VPS54: variants seen among roughly 807,000 people sequenced by gnomAD.
VPS54 encodes the protein VPS54 subunit of GARP complex, also known as vacuolar protein sorting-associated protein 54.
VPS54 carries 45 observed loss-of-function variants against 121.5 expected under a neutral mutation model. The observed-to-expected ratio is 0.37, with a 90% CI of 0.29 to 0.47. VPS54 has a LOEUF of 0.47. Among genes scored for constraint, VPS54 ranks in the 20% least tolerant of loss-of-function variants. The probability of loss-of-function intolerance (pLI) is 0.99; values close to 1 mark genes in which losing one functional copy is unlikely to be tolerated. For missense variants in VPS54, 1,090 were observed against 1,131.4 expected, an observed-to-expected ratio of 0.96 and a Z score of 0.52; for synonymous variants, 371 against 385.8, an observed-to-expected ratio of 0.96 and a Z score of 0.45.
intron 3 of VPS54, among the ~76,000 whole-genome samples, chr2:63,979,470 A>AC (rs2104608515): frequency 6.6e-6 from 1 of 151,914 alleles, no homozygotes; most frequent in South Asian, 2.1e-4. Context: ...TGAACTCCTG[A>AC]CCTCAGGTGA....
intron 2 of VPS54, among the ~76,000 whole-genome samples, chr2:63,983,086 C>T (rs1395026342): frequency 6.6e-6 from 1 of 151,898 alleles, no homozygotes; most frequent in African/African-American, 2.4e-5. Context: ...AACACTTTTT[C>T]AGTTTATATA....
intron 7 of VPS54, 137 bp from the exon 8 acceptor site, chr2:63,949,300 G>A: frequency 2.4e-6 from 2 of 822,588 alleles, no homozygotes; most frequent in Non-Finnish European, 3.6e-6. Context: ...AAAAAATGAA[G>A]TCCTTTAACT....
At chr2:63,923,663 CTT>C (rs1673753542) in intron 12 of VPS54, among the ~76,000 whole-genome samples, 1 of 152,156 alleles carries the variant, frequency 6.6e-6, no homozygotes, top group Non-Finnish European at 1.5e-5. Context: ...ATGGATGAAA[CTT>C]GAGGACATTA....
At chr2:63,936,089 G>A (rs59886198) in intron 11 of VPS54, among the ~76,000 whole-genome samples, 4,553 of 152,136 alleles carry the variant, frequency 0.03, 234 homozygotes, top group African/African-American at 0.1. Context: ...CCTAGTCTTG[G>A]ACTTTTCTTT....
At chr2:64,008,705 A>T (rs1219332377) in intron 1 of VPS54, among the ~76,000 whole-genome samples, 2 of 152,178 alleles carry the variant, frequency 1.3e-5, no homozygotes, top group African/African-American at 4.8e-5. Flanking sequence ...CTGGGACTGC[A>T]GGCTCTGAAG....
intron 1 of VPS54, among the ~76,000 whole-genome samples, chr2:63,993,215 A>G (rs1420454429): frequency 6.6e-6 from 1 of 152,180 alleles, no homozygotes; most frequent in Non-Finnish European, 1.5e-5. Flanking sequence ...TTATTTGAAA[A>G]CTTTAAATGA....
At chr2:63,947,552 G>C in intron 8 of VPS54, 62 bp from the exon 9 acceptor site, 1 of 1,258,184 alleles carries the variant, frequency 7.9e-7, no homozygotes, top group South Asian at 1.5e-5. Flanking sequence ...CTTAGAGGTA[G>C]AAATATTCAG....
At chr2:63,956,111 A>G (rs1675479225) in intron 7 of VPS54, among the ~76,000 whole-genome samples, 1 of 152,142 alleles carries the variant, frequency 6.6e-6, no homozygotes, top group Non-Finnish European at 1.5e-5. Flanking sequence ...CTTATCAGAA[A>G]ACCTTGTATA....
intron 9 of VPS54, 61 bp from the exon 10 acceptor site, chr2:63,944,716 T>C: frequency 7.0e-7 from 1 of 1,421,620 alleles, no homozygotes; most frequent in Non-Finnish European, 9.7e-7. Flanking sequence ...TCCTAAGTAT[T>C]CCATGTTCCA....
chr2:63,970,308 T>C (rs924547604), intron 4 of VPS54, among the ~76,000 whole-genome samples: 2 of 145,186 alleles, frequency 1.4e-5, no homozygotes, highest in African/African-American at 5.2e-5. Context: ...TATATAGATA[T>C]AGATAAAACC....
intron 11 of VPS54, among the ~76,000 whole-genome samples, chr2:63,937,671 C>G (rs984341984): frequency 5.3e-5 from 8 of 152,036 alleles, no homozygotes; most frequent in African/African-American, 1.7e-4. Context: ...AAAAGGGGGC[C>G]TCAGAGAGAT....
chr2:64,018,616 T>C (rs1424299195), intron 1 of VPS54, among the ~76,000 whole-genome samples: 1 of 151,392 alleles, frequency 6.6e-6, no homozygotes, highest in African/African-American at 2.4e-5. Context: ...GGGCAGCGTC[T>C]AAGGGGGTGA....
At chr2:63,996,336 T>C (rs1490523620) in intron 1 of VPS54, among the ~76,000 whole-genome samples, 1 of 152,210 alleles carries the variant, frequency 6.6e-6, no homozygotes, top group Non-Finnish European at 1.5e-5. Context: ...AATACTCTTA[T>C]AATTTCCTAT....
chr2:63,932,573 T>G (rs1290112848), intron 12 of VPS54, among the ~76,000 whole-genome samples: 1 of 151,430 alleles, frequency 6.6e-6, no homozygotes, highest in Non-Finnish European at 1.5e-5. Flanking sequence ...GGCTGATGGG[T>G]GCAGCAAACC....
At chr2:63,942,213 T>C (rs1674773291) in intron 11 of VPS54, among the ~76,000 whole-genome samples, 2 of 151,974 alleles carry the variant, frequency 1.3e-5, no homozygotes, top group African/African-American at 4.8e-5. Flanking sequence ...AGAGGAAATA[T>C]TACTGTATAA....
intron 1 of VPS54, among the ~76,000 whole-genome samples, chr2:63,996,253 T>C (rs1441599708): frequency 6.6e-6 from 1 of 152,232 alleles, no homozygotes; most frequent in Non-Finnish European, 1.5e-5. Flanking sequence ...TTATAATTTC[T>C]TATGCCTGTC....
At chr2:63,929,526 G>A (rs1448083363) in intron 12 of VPS54, among the ~76,000 whole-genome samples, 10 of 152,074 alleles carry the variant, frequency 6.6e-5, no homozygotes, top group Admixed American at 6.5e-5. Context: ...GTGTGTAGAG[G>A]GAAATTTATA....
chr2:63,913,430 T>C, intron 17 of VPS54, 120 bp from the exon 18 acceptor site: 1 of 590,060 alleles, frequency 1.7e-6, no homozygotes, highest in Non-Finnish European at 2.9e-6. Context: ...AAATGAATTA[T>C]CTAGTAGAAG....
chr2:64,018,149 A>G (rs1331469198), intron 1 of VPS54, among the ~76,000 whole-genome samples: 5 of 152,254 alleles, frequency 3.3e-5, no homozygotes, highest in Admixed American at 6.5e-5. Context: ...TTGATTTGAC[A>G]AATCAGAAAT....
Sources: gnomAD v4.1 joint callset for allele counts (sites outside exome capture counted in the v4.1 genomes callset) on GRCh38, gnomAD v4.1.1 for gene constraint, MANE v1.5 for transcripts, NCBI Gene and HGNC (gene_info 2026-07-23, HGNC 2026-07-21) for gene names.